MAN1B1: variants seen among roughly 807,000 people sequenced by gnomAD.
MAN1B1 encodes the protein endoplasmic reticulum mannosyl-oligosaccharide 1,2-alpha-mannosidase.
MAN1B1 carries 66 observed loss-of-function variants against 75.5 expected under a neutral mutation model. That is an observed-to-expected ratio of 0.87 (90% CI 0.72 to 1.07). The LOEUF (loss-of-function observed/expected upper bound fraction) is 1.07. Among genes scored for constraint, MAN1B1 ranks in the 50% least tolerant of loss-of-function variants. The pLI is 0.00. For synonymous variants in MAN1B1, 453 were observed against 382.8 expected, an observed-to-expected ratio of 1.18 and a Z score of -2.14; for missense variants, 973 against 912.5, an observed-to-expected ratio of 1.07 and a Z score of -0.85.
At chr9:137,096,635 G>GT (rs1830660243) in intron 4 of MAN1B1, among the ~76,000 whole-genome samples, 1 of 152,218 alleles carries the variant, frequency 6.6e-6, no homozygotes, top group Non-Finnish European at 1.5e-5. Context: ...TTTTGTGTGC[G>GT]TGTGAAGGGT....
At chr9:137,090,992 T>C (rs1830499743) in intron 3 of MAN1B1, among the ~76,000 whole-genome samples, 1 of 152,202 alleles carries the variant, frequency 6.6e-6, no homozygotes, top group South Asian at 2.1e-4. Flanking sequence ...AAGGGTGGTC[T>C]AGCCGGGCAG....
chr9:137,086,999 G>T lies in MAN1B1; in HGVS notation c.-1G>T. On this transcript the variant is annotated 5_prime_UTR_variant, in exon 1 of 13. Transcript: ENST00000371589. ...ATGGGCGGGCTGTTGACGGCGCTGC[G>T]ATGGCTGCCTGCGAGGGCAGGAGAA... 6.3e-7 allele frequency: 1 copy of T among 1,591,466 alleles called. No individual in the cohort carries two copies.
chr9:137,101,156 A>T lies in MAN1B1; in HGVS notation c.1065+3A>T. Reference sequence around the variant, plus strand: ...ACAGCCTCTTCCTGAGGAAAGCTGTAAGTGTCTTGGGGTGTCCTGCAGGGA... The same window carrying T: ...ACAGCCTCTTCCTGAGGAAAGCTGTTAGTGTCTTGGGGTGTCCTGCAGGGA... On this transcript the variant is annotated splice_donor_region_variant and intron_variant, in intron 7 of 12. Transcript: ENST00000371589. The T allele has an allele frequency of 6.2e-7, 1 of 1,613,690 alleles. No individual in the cohort carries two copies. The highest frequency in any genetic ancestry group is 8.5e-7 in the Non-Finnish European group (1 of 1,180,024).
chr9:137,103,363 G>A lies in MAN1B1; in HGVS notation c.1254+1691G>A, dbSNP rs1262941379. 1.8e-5 allele frequency: 8 copies of A among 446,768 alleles called. No homozygotes were observed. In the East Asian group the frequency reaches 5.0e-4, roughly 28 times the overall value. 27.7% of individuals were successfully genotyped at this position (446,768 alleles called of 1,614,324 possible). On this transcript the variant is annotated intron_variant, in intron 8 of 12. Coordinates refer to ENST00000371589, the MANE Select transcript of MAN1B1 (RefSeq NM_016219.5). ...ATTTTCACGCTGTTGCAGACGTGCA[G>A]GTCAGTGGTGTTACATTCATGCTGT...
Position 137,099,845 on chromosome 9 carries a change from G to A in MAN1B1, c.880G>A (p.Ala294Thr), listed in dbSNP as rs1464254450. 8.7e-6 allele frequency: 14 copies of A among 1,614,216 alleles called. No individual in the cohort carries two copies. Among genetic ancestry groups the A allele is most frequent in the Middle Eastern group, 1.6e-4 (1 of 6,062 alleles). The change falls in exon 6 of 13, where the codon GCG (alanine) becomes ACG (threonine). Residue 294 changes from alanine to threonine, a missense_variant. Transcript: ENST00000371589. Reference sequence around the variant, plus strand: ...TGGCCTCGGTCTCACACTGATCGACGCGCTGGACACCATGTGGATCTTGGG... The same window carrying A: ...TGGCCTCGGTCTCACACTGATCGACACGCTGGACACCATGTGGATCTTGGG... ...WFGLGLTLID[A>T]LDTMWILGLR...
At chr9:137,106,456 G>A in intron 9 of MAN1B1, 141 bp downstream of exon 9, 1 of 1,005,140 alleles carries the variant, frequency 9.9e-7, no homozygotes, top group Non-Finnish European at 1.5e-6. Context: ...GCCGTGCCAG[G>A]CCTGGCCCAG....
intron 3 of MAN1B1, among the ~76,000 whole-genome samples, chr9:137,095,719 A>G (rs774947839): frequency 6.6e-5 from 10 of 152,190 alleles, no homozygotes; most frequent in Non-Finnish European, 1.0e-4. Flanking sequence ...AAGGGAGCAG[A>G]GGACGGGGCT....
chr9:137,088,680 A>G (rs1830444081), intron 2 of MAN1B1, 189 bp from the exon 3 acceptor site: 5 of 758,074 alleles, frequency 6.6e-6, no homozygotes, highest in South Asian at 1.7e-5. Context: ...ATGGACAAGG[A>G]CACAAACTGC....
intron 10 of MAN1B1, 61 bp downstream of exon 10, chr9:137,106,870 T>C: frequency 1.3e-6 from 2 of 1,552,944 alleles, no homozygotes; most frequent in South Asian, 1.1e-5. Flanking sequence ...CCAAGGTGCC[T>C]GAGTCATGAT....
chr9:137,092,348 T>A (rs537201273), intron 3 of MAN1B1, among the ~76,000 whole-genome samples: 14 of 152,208 alleles, frequency 9.2e-5, no homozygotes, highest in South Asian at 2.1e-4. Context: ...TCTCAAAAAA[T>A]AATAATAATA....
At chr9:137,094,422 A>ACC in intron 3 of MAN1B1, 1 of 501,626 alleles carries the variant, frequency 2.0e-6, no homozygotes, top group Non-Finnish European at 4.0e-6. Context: ...GAGGACAGTG[A>ACC]TTGCATGACC....
In MAN1B1 at chr9:137,101,431, A is replaced by C. The variant is rs1236481762; in HGVS notation, c.1066-53A>C. 15 of 1,547,900 alleles carry C rather than the reference A, an allele frequency of 9.7e-6. No homozygotes were observed. In the Admixed American group the frequency reaches 2.5e-4, roughly 26 times the overall value. On this transcript the variant is annotated intron_variant, in intron 7 of 12. Transcript: ENST00000371589. ...CACTGAACTGCATGAAAGGGTGTAG[A>C]CGAGGCCTCTGGGTGACCTGAACGT...
chr9:137,097,427 CT>C (rs772215746), intron 4 of MAN1B1, among the ~76,000 whole-genome samples: 25 of 152,338 alleles, frequency 1.6e-4, no homozygotes, highest in Non-Finnish European at 2.9e-4. Context: ...GGCCATGCGT[CT>C]CGTGTGTAGG....
rs1217005382 is a variant in MAN1B1, at chr9:137,099,811, T to G, written c.846T>G (p.Ser282Arg). The G allele has an allele frequency of 5.6e-6, 9 of 1,614,082 alleles. No homozygotes were observed. The highest frequency in any genetic ancestry group is 5.9e-6 in the Non-Finnish European group (7 of 1,180,044). ...DELKPVSRSF[S>R]EWFGLGLTLI... The stretch of plus-strand genomic sequence containing the variant: ...TGAAGCCTGTGTCCAGGTCCTTCAG[T>G]GAGTGGTTTGGCCTCGGTCTCACAC... Residue 282 changes from serine (S) to arginine (R), a missense_variant, in exon 6 of 13, where the codon AGT (serine) becomes AGG (arginine). Ser to Arg is a moderately radical substitution (Grantham distance 110). Transcript: ENST00000371589.
intron 12 of MAN1B1, 26 bp from the exon 13 acceptor site, chr9:137,108,362 G>T (rs1434805891): frequency 6.2e-7 from 1 of 1,605,126 alleles, no homozygotes; most frequent in Admixed American, 1.7e-5. Context: ...CCCCCGTGTG[G>T]TGACGAGGCC....
At chr9:137,088,311 T>TA in intron 2 of MAN1B1, 128 bp downstream of exon 2, 4 of 1,607,536 alleles carry the variant, frequency 2.5e-6, no homozygotes, top group Non-Finnish European at 3.4e-6. Context: ...GAAATCAAGA[T>TA]AAAGAGAAAG....
intron 3 of MAN1B1, among the ~76,000 whole-genome samples, chr9:137,090,595 A>C (rs1588583649): frequency 6.6e-6 from 1 of 151,476 alleles, no homozygotes; most frequent in East Asian, 1.9e-4. Context: ...GCTGGAGTGC[A>C]GTGGTGTGAT....
intron 5 of MAN1B1, among the ~76,000 whole-genome samples, chr9:137,098,591 G>A (rs1475899330): frequency 1.3e-5 from 2 of 152,204 alleles, no homozygotes; most frequent in African/African-American, 4.8e-5. Context: ...AATCTCTGCG[G>A]CATCAATGAG....
At chr9:137,108,327 T>G in intron 12 of MAN1B1, 61 bp from the exon 13 acceptor site, 65 of 1,429,378 alleles carry the variant, frequency 4.5e-5, no homozygotes, top group Non-Finnish European at 5.7e-5. Flanking sequence ...GCTTCGGTGA[T>G]GAGGCTGAGG....
Sources: allele counts gnomAD v4.1 joint callset (sites outside exome capture counted in the v4.1 genomes callset), GRCh38; gene constraint gnomAD v4.1.1; transcripts MANE v1.5; gene names NCBI Gene and HGNC (gene_info 2026-07-23, HGNC 2026-07-21).